The following DACH2 variants were observed in gnomAD, a reference collection of about 807,000 sequenced individuals.
The protein encoded by DACH2 is dachshund homolog 2.
In DACH2, 17 loss-of-function variants were observed where a neutral mutation model predicts 35.8. The observed-to-expected ratio is 0.48, with a 90% confidence interval of 0.33 to 0.71. The LOEUF is 0.71. Among genes scored for constraint, DACH2 ranks in the 30% least tolerant of loss-of-function variants. DACH2 has a pLI of 0.02. For missense variants in DACH2, 469 were observed against 472.7 expected (o/e 0.99, Z 0.07); for synonymous variants, 195 against 177.3 (o/e 1.10, Z -0.79).
chrX:86,521,824 G>C (rs2038559441), intron 3 of DACH2, among the ~76,000 whole-genome samples: 2 of 111,724 alleles, frequency 1.8e-5, no homozygotes, highest in African/African-American at 6.5e-5. Flanking sequence ...TGGAGGAAAA[G>C]TTAAATTGTT....
intron 1 of DACH2, among the ~76,000 whole-genome samples, chrX:86,243,751 G>A (rs1475328138): frequency 1.8e-5 from 2 of 112,025 alleles, no homozygotes; most frequent in African/African-American, 6.5e-5. Context: ...CATACTGTCA[G>A]TAAAGCATAG....
chrX:86,507,921 T>C (rs1478975001), intron 2 of DACH2, among the ~76,000 whole-genome samples: 1 of 110,163 alleles, frequency 9.1e-6, no homozygotes, highest in Non-Finnish European at 1.9e-5. Context: ...AGAAGTGAAA[T>C]ATTGCAACAC....
At chrX:86,686,492 A>G (rs1041363892) in intron 4 of DACH2, among the ~76,000 whole-genome samples, 3 of 110,513 alleles carry the variant, frequency 2.7e-5, no homozygotes, top group Non-Finnish European at 1.9e-5. Flanking sequence ...CGGCCTCCCA[A>G]AGCGCTGGGA....
intron 1 of DACH2, among the ~76,000 whole-genome samples, chrX:86,253,989 A>T (rs1220416461): frequency 3.6e-5 from 4 of 112,064 alleles, no homozygotes; most frequent in Non-Finnish European, 7.5e-5. Flanking sequence ...TTTTTGTAAG[A>T]TGTATTGGGT....
intron 7 of DACH2, among the ~76,000 whole-genome samples, chrX:86,793,406 T>A (rs933955356): frequency 5.4e-5 from 6 of 111,319 alleles, no homozygotes; most frequent in Admixed American, 4.8e-4. Context: ...AAATTGATTA[T>A]TGAGAAACAT....
rs2041634995 is a variant in DACH2 at position 86,739,830 on chromosome X, C to G, written c.1188C>G (p.Ser396Arg). 7 of 1,205,295 alleles carry G rather than the reference C, an allele frequency of 5.8e-6. No individual in the cohort carries two copies. Among genetic ancestry groups the G allele is most frequent in the Non-Finnish European group, 7.8e-6 (7 of 891,932 alleles). ...GGAGCCAGACCTCTTCCCACACCAG[C>G]AGCAGTGTGTCCAGCTCTCCCTCTC... is the stretch of plus-strand genomic sequence containing the variant. ...RPGSQTSSHTSSSVSSSPSQM... is the reference protein window; with the variant it reads ...RPGSQTSSHTRSSVSSSPSQM... Residue 396 changes from serine to arginine, a missense_variant, in exon 7 of 12, where the codon AGC becomes AGG. Transcript: ENST00000373125.
chrX:86,785,411 A>G (rs142709619), intron 7 of DACH2, among the ~76,000 whole-genome samples: 3,442 of 111,912 alleles, frequency 0.031, 125 homozygotes, highest in African/African-American at 0.11. Flanking sequence ...CAGACATTCC[A>G]ATGTAGGCTT....
At chrX:86,565,926 A>T (rs2039287161) in intron 3 of DACH2, among the ~76,000 whole-genome samples, 1 of 112,057 alleles carries the variant, frequency 8.9e-6, no homozygotes, top group Non-Finnish European at 1.9e-5. Context: ...TTTGGAAGTT[A>T]TGGTTTGTGT....
intron 1 of DACH2, among the ~76,000 whole-genome samples, chrX:86,314,664 A>T (rs1212227470): frequency 8.9e-6 from 1 of 112,425 alleles, no homozygotes; most frequent in Non-Finnish European, 1.9e-5. Flanking sequence ...AAAATGCTAC[A>T]TCAGTGAACG....
At chrX:86,777,050 G>T (rs188455110) in intron 7 of DACH2, among the ~76,000 whole-genome samples, 7,835 of 111,302 alleles carry the variant, frequency 0.07, 287 homozygotes, top group Middle Eastern at 0.12. Context: ...GTAAACATAC[G>T]TGTGCATGTG....
At chrX:86,347,154 T>C (rs756681814) in intron 1 of DACH2, among the ~76,000 whole-genome samples, 1 of 112,073 alleles carries the variant, frequency 8.9e-6, no homozygotes, top group Admixed American at 9.5e-5. Context: ...ATTCAAGAAA[T>C]TCTAACTATT....
At chrX:86,170,451 A>T (rs1441114314) in intron 1 of DACH2, among the ~76,000 whole-genome samples, 1 of 112,265 alleles carries the variant, frequency 8.9e-6, no homozygotes, top group Admixed American at 9.4e-5. Context: ...CTCTTGGCCT[A>T]GTGTGGGCCC....
intron 2 of DACH2, among the ~76,000 whole-genome samples, chrX:86,385,320 T>C (rs917630431): frequency 9.0e-5 from 10 of 111,534 alleles, no homozygotes; most frequent in Non-Finnish European, 1.7e-4. Context: ...GAACATTAAG[T>C]GAAGGGATTT....
chrX:86,196,867 C>T (rs1156694113), intron 1 of DACH2, among the ~76,000 whole-genome samples: 1 of 110,047 alleles, frequency 9.1e-6, no homozygotes, highest in African/African-American at 3.3e-5. Context: ...AGTTAACCAA[C>T]CTAGCTAGAG....
At position 86,598,023 on chromosome X, in the gene DACH2, T is replaced by G. The variant is rs76128621; in HGVS notation, c.641-53013T>G. On this transcript the variant is annotated intron_variant, in intron 3 of 11. Transcript: ENST00000373125. ...GTGGCAGACAAGAGAAGGGAGCCTG[T>G]GCAAGGAAGCTCTCCTTTTAAAAAC... Among the ~76,000 whole-genome samples the G allele has an allele frequency of 0.012, 1,331 of 111,239 alleles. 43 individuals carry two copies. The East Asian group carries it at 0.12, about 10-fold the overall frequency.
chrX:86,471,303 T>A (rs1202332018), intron 2 of DACH2, among the ~76,000 whole-genome samples: 1 of 111,687 alleles, frequency 9.0e-6, no homozygotes, highest in East Asian at 2.8e-4. Context: ...CTTAATTAGT[T>A]AATTGTAATT....
At chrX:86,808,527 A>G (rs999914211) in intron 7 of DACH2, among the ~76,000 whole-genome samples, 4 of 110,266 alleles carry the variant, frequency 3.6e-5, no homozygotes, top group Admixed American at 9.7e-5. Context: ...ACACTTCCTT[A>G]TATTCACACA....
intron 4 of DACH2, among the ~76,000 whole-genome samples, chrX:86,680,701 T>C (rs1317157100): frequency 9.6e-6 from 1 of 104,639 alleles, no homozygotes; most frequent in Non-Finnish European, 2.0e-5. Context: ...TCATCCAGGC[T>C]GGAGTGCAGT....
At chrX:86,433,492 A>G (rs2037017656) in intron 2 of DACH2, among the ~76,000 whole-genome samples, 1 of 112,185 alleles carries the variant, frequency 8.9e-6, no homozygotes, top group African/African-American at 3.2e-5. Context: ...GATGTTTGTA[A>G]CATTTCTTTT....
Sources: gnomAD v4.1 joint callset for allele counts (sites outside exome capture counted in the v4.1 genomes callset) on GRCh38, gnomAD v4.1.1 for gene constraint, MANE v1.5 for transcripts, NCBI Gene and HGNC (gene_info 2026-07-23, HGNC 2026-07-21) for gene names.